PAK1: variants seen among roughly 807,000 people sequenced by gnomAD.
The protein encoded by PAK1 is p21 (RAC1) activated kinase 1, also known as serine/threonine-protein kinase PAK 1.
A neutral mutation model predicts 67.4 loss-of-function variants in PAK1; 29 were observed. The observed-to-expected ratio is 0.43, with a 90% CI of 0.32 to 0.59. The LOEUF (loss-of-function observed/expected upper bound fraction) is 0.59. Ranked by LOEUF, PAK1 falls within the 20% of genes least tolerant of loss-of-function variation. The pLI is 0.07. For missense variants in PAK1, 337 were observed against 670.7 expected (o/e 0.50, Z 5.50); for synonymous variants, 223 against 237.4 (o/e 0.94, Z 0.56).
At chr11:77,369,444 C>CTTTTTTTTT (rs147630042) in intron 5 of PAK1, among the ~76,000 whole-genome samples, 17 of 86,736 alleles carry the variant, frequency 2.0e-4, no homozygotes, top group Non-Finnish European at 2.3e-4. Flanking sequence ...TTATACATTT[C>CTTTTTTTTT]TTTTTTTTTT....
chr11:77,355,191 A>C (rs1054919041), intron 7 of PAK1, among the ~76,000 whole-genome samples: 1 of 152,112 alleles, frequency 6.6e-6, no homozygotes, highest in Non-Finnish European at 1.5e-5. Context: ...AAATCAAGAA[A>C]ATATTTTGCT....
At chr11:77,525,243 G>A in the PAK1 span, among the ~76,000 whole-genome samples, 1 of 151,730 alleles carries the variant, frequency 6.6e-6, no homozygotes, top group African/African-American at 2.4e-5. Flanking sequence ...CAGGTACTAG[G>A]AGGCTGAGGC....
At chr11:77,491,899 T>C in the PAK1 span, among the ~76,000 whole-genome samples, 1 of 152,184 alleles carries the variant, frequency 6.6e-6, no homozygotes, top group Non-Finnish European at 1.5e-5. Flanking sequence ...TAAGAGTGGC[T>C]GAATGGATCA....
At chr11:77,464,844 G>A (rs531249670) in intron 1 of PAK1, among the ~76,000 whole-genome samples, 85 of 152,280 alleles carry the variant, frequency 5.6e-4, no homozygotes, top group Non-Finnish European at 1.0e-3. Context: ...ATTCAATACT[G>A]CACTGAAAGT....
At chr11:77,366,461 T>C (rs1309609561) in intron 5 of PAK1, among the ~76,000 whole-genome samples, 1 of 152,178 alleles carries the variant, frequency 6.6e-6, no homozygotes, top group African/African-American at 2.4e-5. Flanking sequence ...TTCATGTATA[T>C]GAAAGAATGG....
At chr11:77,439,122 C>A (rs1956250644) in intron 1 of PAK1, among the ~76,000 whole-genome samples, 1 of 152,198 alleles carries the variant, frequency 6.6e-6, no homozygotes, top group South Asian at 2.1e-4. Context: ...AATGTTAGGA[C>A]TTTGGCTTTT....
chr11:77,326,463 CTG>C (rs894279646), intron 14 of PAK1, among the ~76,000 whole-genome samples: 1 of 152,144 alleles, frequency 6.6e-6, no homozygotes, highest in African/African-American at 2.4e-5. Flanking sequence ...CTTTGGGAGA[CTG>C]TGGTGGGCAG....
intron 1 of PAK1, among the ~76,000 whole-genome samples, chr11:77,451,699 A>C (rs1956863520): frequency 1.4e-5 from 2 of 146,764 alleles, no homozygotes; most frequent in Admixed American, 6.7e-5. Flanking sequence ...TCCTGGGTTC[A>C]TGCCATTCTC....
intron 1 of PAK1, among the ~76,000 whole-genome samples, chr11:77,423,941 T>G (rs543630558): frequency 6.6e-6 from 1 of 152,228 alleles, no homozygotes; most frequent in South Asian, 2.1e-4. Context: ...CTGGTGAAAA[T>G]CAATTTAAAA....
At chr11:77,458,158 G>A (rs1193119670) in intron 1 of PAK1, among the ~76,000 whole-genome samples, 1 of 152,148 alleles carries the variant, frequency 6.6e-6, no homozygotes, top group Non-Finnish European at 1.5e-5. Context: ...AAATTTCTTA[G>A]TAAATTTTTT....
chr11:77,416,251 T>C (rs990671320), intron 1 of PAK1, among the ~76,000 whole-genome samples: 43 of 152,332 alleles, frequency 2.8e-4, no homozygotes, highest in African/African-American at 1.0e-3. Flanking sequence ...AGTGCTAGCA[T>C]TACAGGTGTG....
intron 1 of PAK1, among the ~76,000 whole-genome samples, chr11:77,436,407 G>A (rs1317261909): frequency 2.0e-5 from 3 of 152,092 alleles, no homozygotes; most frequent in Non-Finnish European, 2.9e-5. Context: ...AAGAATTCTG[G>A]GCTTAAGGAT....
At chr11:77,515,040 A>G in the PAK1 span, 1 of 152,266 alleles carries the variant, frequency 6.6e-6, no homozygotes, top group Non-Finnish European at 1.5e-5. Flanking sequence ...GGAGGAAAAG[A>G]GCATGACATT....
At chr11:77,526,446 A>C in the PAK1 span, among the ~76,000 whole-genome samples, 4 of 152,258 alleles carry the variant, frequency 2.6e-5, no homozygotes, top group Non-Finnish European at 5.9e-5. Context: ...GAGCAAAGGC[A>C]TAAGAGTAAC....
intron 1 of PAK1, among the ~76,000 whole-genome samples, chr11:77,401,578 T>C (rs1952693154): frequency 6.6e-6 from 1 of 152,240 alleles, no homozygotes; most frequent in Admixed American, 6.5e-5. Context: ...CTTTTTAGTT[T>C]CATCTCTACT....
intron 14 of PAK1, among the ~76,000 whole-genome samples, chr11:77,326,994 C>G (rs1940098082): frequency 6.6e-6 from 1 of 152,082 alleles, no homozygotes; most frequent in South Asian, 2.1e-4. Flanking sequence ...AATGCAGAAG[C>G]CTCAGGAGCC....
At chr11:77,379,606 C>T (rs1949556682) in intron 3 of PAK1, among the ~76,000 whole-genome samples, 1 of 152,146 alleles carries the variant, frequency 6.6e-6, no homozygotes, top group South Asian at 2.1e-4. Context: ...CAGGCTATAC[C>T]TCCAGGATGG....
intron 5 of PAK1, among the ~76,000 whole-genome samples, chr11:77,359,726 AAG>A (rs2136607327): frequency 6.6e-6 from 1 of 152,264 alleles, no homozygotes; most frequent in East Asian, 1.9e-4. Flanking sequence ...TGCAAACTAT[AAG>A]AGAGCTGGGC....
Position 77,343,844 on chromosome 11 carries a change from G to A in PAK1, c.973C>T (p.Pro325Ser). The A allele has an allele frequency of 6.2e-7, 1 of 1,609,574 alleles. No individual in the cohort carries two copies. Among genetic ancestry groups the A allele is most frequent in the Non-Finnish European group, 8.5e-7 (1 of 1,175,970 alleles). ...EILVMRENKNPNIVNYLDSYL... is the reference protein window; with the variant it reads ...EILVMRENKNSNIVNYLDSYL... ...CTGTCCAAGTAATTCACAATGTTTG[G>A]GTTCTTGTTTTCCCTCATGACCAGG... The change falls in exon 10 of 15, where the codon CCA (proline) becomes TCA (serine). Residue 325 changes from proline (P) to serine (S), a missense_variant. Around this residue, in one of 8 missense-constraint regions of PAK1, gnomAD observed 18 missense variants for 45.2 expected, o/e 0.40. Coordinates refer to ENST00000356341, the MANE Select transcript of PAK1 (RefSeq NM_002576.5).
Sources: gnomAD v4.1 joint callset for allele counts (sites outside exome capture counted in the v4.1 genomes callset) on GRCh38, gnomAD v4.1.1 for gene constraint, gnomAD v4.1.1 regional missense constraint, MANE v1.5 for transcripts, NCBI Gene and HGNC (gene_info 2026-07-23, HGNC 2026-07-21) for gene names.